DENND5A: variants seen among roughly 807,000 people sequenced by gnomAD.
DENND5A encodes the protein DENN domain-containing protein 5A.
A neutral mutation model predicts 140.3 loss-of-function variants in DENND5A; 64 were observed. The observed-to-expected ratio is 0.46, with a 90% confidence interval of 0.37 to 0.56. DENND5A has a LOEUF of 0.56. DENND5A is among the 20% of genes least tolerant of loss of function. DENND5A has a pLI of 0.00. For synonymous variants in DENND5A, 605 were observed against 607.7 expected, an observed-to-expected ratio of 1.00 and a Z score of 0.07; for missense variants, 1,292 against 1,593.8, an observed-to-expected ratio of 0.81 and a Z score of 3.22.
intron 8 of DENND5A, 69 bp from the exon 9 acceptor site, chr11:9,170,846 A>T: frequency 6.3e-7 from 1 of 1,581,480 alleles, no homozygotes. Context: ...AAATCAAGTC[A>T]AACATTCTTT....
chr11:9,221,686 T>G (rs1312018830), intron 1 of DENND5A, among the ~76,000 whole-genome samples: 7 of 148,814 alleles, frequency 4.7e-5, no homozygotes, highest in Non-Finnish European at 9.0e-5. Context: ...ATATTTCTAG[T>G]TATTACAAGG....
intron 1 of DENND5A, among the ~76,000 whole-genome samples, chr11:9,235,661 A>T (rs1171581567): frequency 6.6e-6 from 1 of 151,690 alleles, no homozygotes. Flanking sequence ...CTGTCTCAAA[A>T]AAAAAAAAAA....
intron 1 of DENND5A, among the ~76,000 whole-genome samples, chr11:9,234,978 C>T (rs576332703): frequency 6.6e-5 from 10 of 152,254 alleles, no homozygotes; most frequent in Admixed American, 2.0e-4. Flanking sequence ...CCTCTAGCGC[C>T]GCTGGGTTAG....
In DENND5A at chr11:9,150,074, G is replaced by A; in HGVS notation, c.2735+7C>T. On this transcript the variant is annotated splice_region_variant and intron_variant, in intron 15 of 22. Transcript: ENST00000328194. ...GCCTGCTTCTACTCCTGGCGGAGCA[G>A]CCTTACTTGGTGAGCTCATGGTCTG... The A allele has an allele frequency of 2.5e-6, 4 of 1,609,398 alleles. No homozygotes were observed. The highest frequency in any genetic ancestry group is 3.4e-6 in the Non-Finnish European group (4 of 1,177,898).
intron 12 of DENND5A, among the ~76,000 whole-genome samples, chr11:9,156,626 CAA>C (rs763078353): frequency 3.3e-4 from 30 of 89,742 alleles, no homozygotes; most frequent in Admixed American, 2.5e-4. Flanking sequence ...GACTCCGTCT[CAA>C]AAAAAAAAAA....
chr11:9,223,011 T>C (rs898515334), intron 1 of DENND5A, among the ~76,000 whole-genome samples: 1 of 152,242 alleles, frequency 6.6e-6, no homozygotes, highest in African/African-American at 2.4e-5. Flanking sequence ...AGAATCCTTT[T>C]TGAAGCAATT....
At chr11:9,140,110 G>C in intron 22 of DENND5A, 2 of 1,407,398 alleles carry the variant, frequency 1.4e-6, no homozygotes, top group Non-Finnish European at 1.9e-6. Flanking sequence ...GCCCTGCCTA[G>C]TCAGCCCCAC....
chr11:9,152,222 G>A (rs1243501013), intron 13 of DENND5A, 136 bp downstream of exon 13: 1 of 709,958 alleles, frequency 1.4e-6, no homozygotes, highest in East Asian at 2.5e-5. Context: ...GAGTCTGGTG[G>A]CTCCATATTT....
At chr11:9,235,259 T>C (rs926534207) in intron 1 of DENND5A, among the ~76,000 whole-genome samples, 2 of 152,160 alleles carry the variant, frequency 1.3e-5, no homozygotes, top group Non-Finnish European at 2.9e-5. Flanking sequence ...GAACAAAATA[T>C]GGTACGTATT....
chr11:9,258,731 TG>T (rs1852061695), intron 1 of DENND5A, among the ~76,000 whole-genome samples: 1 of 145,654 alleles, frequency 6.9e-6, no homozygotes. Context: ...CAGAAAAGAA[TG>T]AAATGTGGCA....
At chr11:9,228,724 A>C (rs529788057) in intron 1 of DENND5A, among the ~76,000 whole-genome samples, 1 of 152,010 alleles carries the variant, frequency 6.6e-6, no homozygotes, top group Non-Finnish European at 1.5e-5. Context: ...GTCTCAAAAA[A>C]AAAAAAAACA....
intron 22 of DENND5A, 128 bp from the exon 23 acceptor site, chr11:9,139,982 C>A: frequency 3.9e-6 from 4 of 1,026,122 alleles, no homozygotes; most frequent in South Asian, 1.6e-5. Flanking sequence ...GCCCCCCACA[C>A]CCCCCTTTCC....
At chr11:9,256,360 T>C (rs1809987695) in intron 1 of DENND5A, among the ~76,000 whole-genome samples, 1 of 151,892 alleles carries the variant, frequency 6.6e-6, no homozygotes, top group Non-Finnish European at 1.5e-5. Context: ...CTCAGGAGGC[T>C]GAGGCAGGAG....
intron 13 of DENND5A, among the ~76,000 whole-genome samples, chr11:9,152,046 GAA>G (rs1847633611): frequency 6.6e-6 from 1 of 152,148 alleles, no homozygotes; most frequent in Admixed American, 6.6e-5. Flanking sequence ...AAAAGACTCT[GAA>G]AACAGCCTGC....
At chr11:9,227,203 A>G (rs1456186191) in intron 1 of DENND5A, among the ~76,000 whole-genome samples, 2 of 136,872 alleles carry the variant, frequency 1.5e-5, no homozygotes, top group African/African-American at 6.7e-5. Context: ...TAAATAAATA[A>G]ATAAATAAGC....
At chr11:9,249,807 C>T (rs989267891) in intron 1 of DENND5A, among the ~76,000 whole-genome samples, 6 of 152,052 alleles carry the variant, frequency 3.9e-5, no homozygotes, top group African/African-American at 1.2e-4. Context: ...ACCTCGGCTT[C>T]CCAAAGTGCT....
intron 4 of DENND5A, among the ~76,000 whole-genome samples, chr11:9,195,313 T>C (rs1232023259): frequency 1.3e-5 from 2 of 152,004 alleles, no homozygotes; most frequent in African/African-American, 2.4e-5. Context: ...CAACCTCAGG[T>C]GATCCGCCTG....
At chr11:9,239,386 G>GA (rs1851140302) in intron 1 of DENND5A, among the ~76,000 whole-genome samples, 1 of 148,230 alleles carries the variant, frequency 6.7e-6, no homozygotes, top group African/African-American at 2.5e-5. Flanking sequence ...GCCCAGGCTG[G>GA]AGTACAGTGG....
Position 9,265,041 on chromosome 11 carries a change from G to A in DENND5A, c.29C>T (p.Ser10Leu), listed in dbSNP as rs867335617. Residue 10 changes from serine to leucine, a missense_variant, in exon 1 of 23, where the codon TCG (serine) becomes TTG (leucine). This residue lies in a region of DENND5A where 566 missense variants were observed against 650.4 expected (regional missense o/e 0.87). Transcript: ENST00000328194. The surrounding 1 kb of genome is among the most constrained non-coding windows in gnomAD (Gnocchi z 4.7). ...GTAGTCGGCGAAGCGACTGGGCGCC[G>A]AGCCCCCTCCGCCGCCGCCGCCACT... MSGGGGGGG[S>L]APSRFADYFV... 5.1e-6 allele frequency: 8 copies of A among 1,558,884 alleles called. No individual in the cohort carries two copies. Among genetic ancestry groups the A allele is most frequent in the South Asian group, 1.2e-5 (1 of 85,478 alleles).
Sources: gnomAD v4.1 joint callset for allele counts (sites outside exome capture counted in the v4.1 genomes callset) on GRCh38, gnomAD v4.1.1 for gene constraint, gnomAD v4.1.1 regional missense constraint, Gnocchi (gnomAD v3.1) non-coding constraint, MANE v1.5 for transcripts, NCBI Gene and HGNC (gene_info 2026-07-23, HGNC 2026-07-21) for gene names.